ALPK1: variants seen among roughly 807,000 people sequenced by gnomAD.
The protein encoded by ALPK1 is alpha-protein kinase 1.
In ALPK1, 110 loss-of-function variants were observed where a neutral mutation model predicts 120.6. That is an observed-to-expected ratio of 0.91 (90% confidence interval 0.78 to 1.07). ALPK1 has a LOEUF of 1.07. Ranked by LOEUF, ALPK1 falls within the 50% of genes least tolerant of loss-of-function variation. The probability of loss-of-function intolerance (pLI) is 0.00; values close to 1 mark genes in which losing one functional copy is unlikely to be tolerated. For missense variants in ALPK1, 1,498 were observed against 1,483.9 expected, an observed-to-expected ratio of 1.01 and a Z score of -0.16; for synonymous variants, 582 against 560.3, an observed-to-expected ratio of 1.04 and a Z score of -0.55.
At chr4:112,334,941 A>C (rs1296884705) in intron 2 of ALPK1, among the ~76,000 whole-genome samples, 1 of 152,242 alleles carries the variant, frequency 6.6e-6, no homozygotes, top group African/African-American at 2.4e-5. Flanking sequence ...ACCACATTCC[A>C]GGGGTTCACA....
intron 2 of ALPK1, among the ~76,000 whole-genome samples, chr4:112,372,697 C>G (rs538160535): frequency 1.3e-3 from 192 of 152,160 alleles, no homozygotes; most frequent in African/African-American, 4.2e-3. Context: ...CTATCATCAC[C>G]GTGACATCCC....
At chr4:112,385,730 A>G (rs917400264) in intron 4 of ALPK1, among the ~76,000 whole-genome samples, 1 of 152,140 alleles carries the variant, frequency 6.6e-6, no homozygotes, top group African/African-American at 2.4e-5. Flanking sequence ...TTGTATCCCA[A>G]TCTGGTCGAT....
At chr4:112,379,062 C>A (rs937638432) in intron 3 of ALPK1, among the ~76,000 whole-genome samples, 1 of 152,222 alleles carries the variant, frequency 6.6e-6, no homozygotes, top group African/African-American at 2.4e-5. Flanking sequence ...ATGGCTGGCC[C>A]TAGTTCTCCC....
In ALPK1 at chr4:112,429,239, G is replaced by A. The variant is rs184421227; in HGVS notation, c.886G>A (p.Val296Met). Residue 296 changes from valine (V) to methionine (M), a missense_variant, in exon 10 of 16, where the codon GTG becomes ATG. Val to Met is a conservative substitution (Grantham distance 21). Coordinates refer to ENST00000650871, the MANE Select transcript of ALPK1 (RefSeq NM_025144.4). The part of the protein sequence containing the change: ...AAFSAYTPLF[V>M]LTAVNIRGTC... ...CTTCAGTGCCTATACGCCGCTCTTC[G>A]TGCTCACAGCTGTGGTAAACGAATG... is the stretch of plus-strand genomic sequence containing the variant. The A allele has an allele frequency of 5.1e-5, 83 of 1,611,996 alleles. No individual in the cohort carries two copies. Among genetic ancestry groups the A allele is most frequent in the East Asian group, 2.5e-4 (11 of 44,880 alleles).
intron 1 of ALPK1, among the ~76,000 whole-genome samples, chr4:112,314,876 C>CTTTT (rs763492984): frequency 1.2e-4 from 12 of 99,642 alleles, no homozygotes; most frequent in Non-Finnish European, 1.5e-4. Flanking sequence ...AATCCATTGC[C>CTTTT]TTTTTTTTTT....
At chr4:112,389,983 C>A (rs957212618) in intron 4 of ALPK1, among the ~76,000 whole-genome samples, 48 of 152,338 alleles carry the variant, frequency 3.2e-4, no homozygotes, top group African/African-American at 1.2e-3. Flanking sequence ...TATATCTCAC[C>A]TGGGCTCCTG....
chr4:112,407,922 A>G (rs561984165), intron 4 of ALPK1, among the ~76,000 whole-genome samples: 1 of 152,302 alleles, frequency 6.6e-6, no homozygotes, highest in East Asian at 1.9e-4. Flanking sequence ...CCTGACCAAC[A>G]TAGTGAAACC....
At chr4:112,325,589 G>A (rs1003972892) in intron 2 of ALPK1, among the ~76,000 whole-genome samples, 7 of 152,118 alleles carry the variant, frequency 4.6e-5, no homozygotes, top group Admixed American at 3.3e-4. Context: ...GACCACTGTG[G>A]CCCTCGTGTC....
At chr4:112,321,177 G>A (rs1289830909) in intron 2 of ALPK1, among the ~76,000 whole-genome samples, 1 of 151,898 alleles carries the variant, frequency 6.6e-6, no homozygotes, top group Non-Finnish European at 1.5e-5. Context: ...GATTACAGGC[G>A]TGAGCCACCG....
At chr4:112,337,708 A>C (rs1729680716) in intron 2 of ALPK1, among the ~76,000 whole-genome samples, 1 of 152,164 alleles carries the variant, frequency 6.6e-6, no homozygotes, top group African/African-American at 2.4e-5. Context: ...GTTTTTAGAA[A>C]GAAAAGGAAA....
At position 112,431,180 on chromosome 4, in the gene ALPK1, T is replaced by C. The variant is rs201656303; in HGVS notation, c.1633T>C (p.Phe545Leu). Residue 545 changes from phenylalanine (F) to leucine (L), a missense_variant, in exon 11 of 16, where the codon TTT (phenylalanine) becomes CTT (leucine). Coordinates refer to ENST00000650871, the MANE Select transcript of ALPK1 (RefSeq NM_025144.4). Reference protein sequence around the residue: ...GRRNWTHSDAFRVSLDQDVET... With the variant: ...GRRNWTHSDALRVSLDQDVET... ...GAGAAACTGGACCCATTCTGATGCATTTCGAGTCTCCTTGGATCAAGATGT... is the reference window on the plus strand; with the variant it reads ...GAGAAACTGGACCCATTCTGATGCACTTCGAGTCTCCTTGGATCAAGATGT... The C allele has an allele frequency of 3.8e-5, 61 of 1,614,064 alleles. No homozygotes were observed. The highest frequency in any genetic ancestry group is 1.6e-4 in the Middle Eastern group (1 of 6,084).
intron 4 of ALPK1, among the ~76,000 whole-genome samples, chr4:112,399,454 A>G (rs1158675084): frequency 7.2e-6 from 1 of 139,744 alleles, no homozygotes. Flanking sequence ...TAGATTTACA[A>G]AAGAGTGGCA....
intron 4 of ALPK1, 99 bp downstream of exon 4, chr4:112,382,651 G>T: frequency 6.5e-7 from 1 of 1,528,132 alleles, no homozygotes. Context: ...GCACAAGACA[G>T]CCCCCTACCC....
chr4:112,371,690 T>C (rs1731410493), intron 2 of ALPK1, among the ~76,000 whole-genome samples: 1 of 152,216 alleles, frequency 6.6e-6, no homozygotes, highest in African/African-American at 2.4e-5. Flanking sequence ...AAGAGATTTA[T>C]GATCTTGTGC....
At chr4:112,367,404 C>G (rs755149196) in intron 2 of ALPK1, among the ~76,000 whole-genome samples, 4 of 151,546 alleles carry the variant, frequency 2.6e-5, no homozygotes, top group Non-Finnish European at 4.4e-5. Context: ...TTCTGTCTTA[C>G]GCTTAATTAT....
intron 1 of ALPK1, among the ~76,000 whole-genome samples, chr4:112,309,300 C>A (rs1728281708): frequency 6.6e-6 from 1 of 152,136 alleles, no homozygotes; most frequent in Non-Finnish European, 1.5e-5. Flanking sequence ...TTTAAGTCTG[C>A]CGAGGTTTCT....
intron 2 of ALPK1, among the ~76,000 whole-genome samples, chr4:112,354,099 G>A (rs1730489124): frequency 6.6e-6 from 1 of 152,062 alleles, no homozygotes. Flanking sequence ...TATATTCAGG[G>A]TAGAAATCTT....
chr4:112,329,613 T>C (rs903938590), intron 2 of ALPK1, among the ~76,000 whole-genome samples: 1 of 152,220 alleles, frequency 6.6e-6, no homozygotes, highest in African/African-American at 2.4e-5. Flanking sequence ...AGATGTTATC[T>C]AAGGGTTGAT....
intron 2 of ALPK1, chr4:112,357,247 C>A: frequency 6.9e-7 from 1 of 1,448,448 alleles, no homozygotes; most frequent in East Asian, 2.3e-5. Context: ...ACCAGATCAT[C>A]CAGCATCTGG....
Sources: gnomAD v4.1 joint callset for allele counts (sites outside exome capture counted in the v4.1 genomes callset) on GRCh38, gnomAD v4.1.1 for gene constraint, MANE v1.5 for transcripts, NCBI Gene and HGNC (gene_info 2026-07-23, HGNC 2026-07-21) for gene names.